The following COL22A1 variants were observed in gnomAD, a reference collection of about 807,000 sequenced individuals.
COL22A1 encodes collagen alpha-1(XXII) chain.
COL22A1 carries 221 observed loss-of-function variants against 248.9 expected under a neutral mutation model. The ratio of observed to expected loss-of-function variants is 0.89; its 90% CI spans 0.80 to 0.99. The LOEUF (loss-of-function observed/expected upper bound fraction) is 0.99. COL22A1 is among the 50% of genes least tolerant of loss of function. The probability of loss-of-function intolerance (pLI) is 0.00; values close to 1 mark genes in which losing one functional copy is unlikely to be tolerated. For synonymous variants in COL22A1, 891 were observed against 793.4 expected, an observed-to-expected ratio of 1.12 and a Z score of -2.07; for missense variants, 2,240 against 2,179.0, an observed-to-expected ratio of 1.03 and a Z score of -0.56.
intron 45 of COL22A1, among the ~76,000 whole-genome samples, 165 bp from the exon 46 acceptor site, chr8:138,649,943 A>G (rs1822553412): frequency 6.6e-6 from 1 of 152,142 alleles, no homozygotes; most frequent in Non-Finnish European, 1.5e-5. Context: ...TGATCTAAAT[A>G]CTCTTGTGTC....
rs879215761 is a variant in COL22A1 at position 138,779,485 on chromosome 8, G to T, written c.1704+24C>A. 3 of 1,590,216 alleles carry T rather than the reference G, an allele frequency of 1.9e-6. No homozygotes were observed. The South Asian group carries it at 3.3e-5, about 18-fold the overall frequency. On this transcript the variant is annotated intron_variant, in intron 14 of 64. Transcript: ENST00000303045. The stretch of plus-strand genomic sequence containing the variant: ...CCTTGTCCCCTGGGAGCATCAGAAG[G>T]GCCCAGCTCACAGCAACACTCACCC...
chr8:138,868,293 G>A (rs1033635386), intron 3 of COL22A1, among the ~76,000 whole-genome samples: 4 of 152,050 alleles, frequency 2.6e-5, no homozygotes, highest in African/African-American at 9.7e-5. Context: ...CTCAAAGCGG[G>A]CAACATCACT....
chr8:138,830,343 TA>T (rs1298043716), intron 5 of COL22A1, among the ~76,000 whole-genome samples: 1 of 152,196 alleles, frequency 6.6e-6, no homozygotes, highest in Non-Finnish European at 1.5e-5. Flanking sequence ...CTTTACATAT[TA>T]AAAAGGTGAG....
At chr8:138,664,209 G>GCGCGCGCGCGCGCGCACA (rs1440442280) in intron 41 of COL22A1, among the ~76,000 whole-genome samples, 1 of 103,158 alleles carries the variant, frequency 9.7e-6, no homozygotes, top group African/African-American at 4.0e-5. Context: ...GCGCGCGCGC[G>GCGCGCGCGCGCGCGCACA]CACACACACA....
chr8:138,781,056 A>T (rs1357702501), intron 12 of COL22A1, 76 bp from the exon 13 acceptor site: 3 of 1,062,838 alleles, frequency 2.8e-6, no homozygotes, highest in Non-Finnish European at 4.2e-6. Context: ...TGCAGTGGAG[A>T]ACGTGCCAGG....
chr8:138,679,689 A>G lies in COL22A1; in HGVS notation c.3013-13T>C, dbSNP rs370901652. On this transcript the variant is annotated splice_polypyrimidine_tract_variant and intron_variant, in intron 39 of 64. Transcript: ENST00000303045. The stretch of plus-strand genomic sequence containing the variant: ...TTCCGCAAGCAGCCTGAAAGTAGAA[A>G]ATCTTCACTCATTTCTTCACCAAAC... 6.2e-7 allele frequency: 1 copy of G among 1,612,942 alleles called. No individual in the cohort carries two copies. The highest frequency in any genetic ancestry group is 1.1e-5 in the South Asian group (1 of 91,048).
At chr8:138,607,365 C>T (rs182298202) in intron 57 of COL22A1, among the ~76,000 whole-genome samples, 69 of 152,282 alleles carry the variant, frequency 4.5e-4, no homozygotes, top group African/African-American at 1.6e-3. Context: ...CCCTAGAACC[C>T]ATTAAAGAAC....
intron 3 of COL22A1, among the ~76,000 whole-genome samples, chr8:138,869,897 CT>C (rs1289783166): frequency 9.2e-5 from 14 of 152,166 alleles, no homozygotes; most frequent in Admixed American, 3.3e-4. Flanking sequence ...GGGTGGGTCA[CT>C]TTGTGGTCAC....
intron 53 of COL22A1, 134 bp from the exon 54 acceptor site, chr8:138,617,092 T>A: frequency 1.1e-6 from 1 of 886,568 alleles, no homozygotes; most frequent in Non-Finnish European, 1.8e-6. Flanking sequence ...TACTGAGCCC[T>A]ACTTGGTGCC....
At chr8:138,768,128 A>T (rs558011738) in intron 16 of COL22A1, among the ~76,000 whole-genome samples, 1 of 151,958 alleles carries the variant, frequency 6.6e-6, no homozygotes, top group African/African-American at 2.4e-5. Context: ...CCTCGATCCG[A>T]TCCATTGCCT....
At chr8:138,673,555 A>C (rs1020974423) in intron 41 of COL22A1, among the ~76,000 whole-genome samples, 1 of 152,170 alleles carries the variant, frequency 6.6e-6, no homozygotes, top group African/African-American at 2.4e-5. Context: ...GATCTCACAG[A>C]AGATTAATGG....
chr8:138,881,299 G>GAGA (rs1554653434), intron 2 of COL22A1, among the ~76,000 whole-genome samples: 1 of 139,288 alleles, frequency 7.2e-6, no homozygotes, highest in African/African-American at 2.6e-5. Flanking sequence ...GAGAGGCTCA[G>GAGA]AAAAAAAAAA....
In COL22A1 at chr8:138,619,478, G is replaced by T. The variant is rs770911948; in HGVS notation, c.3802C>A (p.Pro1268Thr). Residue 1268 changes from proline (P) to threonine (T), a missense_variant, in exon 53 of 65, where the codon CCA becomes ACA. By Grantham distance (38) the Pro-to-Thr change is conservative (BLOSUM62 -1). Coordinates refer to ENST00000303045, the MANE Select transcript of COL22A1 (RefSeq NM_152888.3). ...ACAGGTGGGCCTCGGGCACCCTCTG[G>T]TCCTGGTAGACCTGGCTCTCCTGCT... ...GKAGEPGLPG[P>T]EGARGPPGFK... The T allele has an allele frequency of 2.5e-6, 4 of 1,614,154 alleles. No homozygotes were observed. Among genetic ancestry groups the T allele is most frequent in the Non-Finnish European group, 3.4e-6 (4 of 1,179,996 alleles).
At chr8:138,733,042 T>C (rs1168461630) in intron 23 of COL22A1, among the ~76,000 whole-genome samples, 1 of 152,224 alleles carries the variant, frequency 6.6e-6, no homozygotes, top group Non-Finnish European at 1.5e-5. Flanking sequence ...GGTAGATCCC[T>C]GTGGCACTAA....
intron 44 of COL22A1, among the ~76,000 whole-genome samples, chr8:138,657,231 C>T (rs967907735): frequency 4.6e-5 from 7 of 152,318 alleles, no homozygotes; most frequent in African/African-American, 9.6e-5. Flanking sequence ...ATCTGAGTGA[C>T]GTCCTCTGAA....
At chr8:138,651,853 C>A (rs1479308367) in intron 45 of COL22A1, among the ~76,000 whole-genome samples, 1 of 152,120 alleles carries the variant, frequency 6.6e-6, no homozygotes, top group African/African-American at 2.4e-5. Context: ...GCAGTGGGAT[C>A]CATAACATAA....
chr8:138,791,032 A>G (rs1027575831), intron 12 of COL22A1, among the ~76,000 whole-genome samples: 1 of 152,164 alleles, frequency 6.6e-6, no homozygotes, highest in African/African-American at 2.4e-5. Flanking sequence ...TCCTTTTACA[A>G]TGAAATCAAT....
chr8:138,888,069 C>G (rs1158388271), intron 1 of COL22A1, among the ~76,000 whole-genome samples: 1 of 152,134 alleles, frequency 6.6e-6, no homozygotes, highest in Non-Finnish European at 1.5e-5. Flanking sequence ...TTGTTAAAGC[C>G]AAGGTCCTGG....
chr8:138,771,843 CG>C (rs969408959), intron 16 of COL22A1, among the ~76,000 whole-genome samples: 5 of 152,178 alleles, frequency 3.3e-5, no homozygotes, highest in Admixed American at 6.5e-5. Context: ...CCTGGCCCCC[CG>C]GGGCCTGCGG....
Sources: gnomAD v4.1 joint callset for allele counts (sites outside exome capture counted in the v4.1 genomes callset) on GRCh38, gnomAD v4.1.1 for gene constraint, MANE v1.5 for transcripts, NCBI Gene and HGNC (gene_info 2026-07-23, HGNC 2026-07-21) for gene names.